The following FAM151B variants were observed in gnomAD, a reference collection of about 807,000 sequenced individuals.
The protein encoded by FAM151B is protein FAM151B.
A neutral mutation model predicts 31.2 loss-of-function variants in FAM151B; 24 were observed. The ratio of observed to expected loss-of-function variants is 0.77; its 90% CI spans 0.56 to 1.08. FAM151B has a LOEUF of 1.08. Ranked by LOEUF, FAM151B falls within the 50% of genes least tolerant of loss-of-function variation. FAM151B has a pLI of 0.00. For missense variants in FAM151B, 293 were observed against 328.6 expected (o/e 0.89, Z 0.84); for synonymous variants, 105 against 111.4 (o/e 0.94, Z 0.36).
chr5:80,531,002 G>C (rs567453328), intron 5 of FAM151B, among the ~76,000 whole-genome samples: 92 of 152,284 alleles, frequency 6.0e-4, no homozygotes, highest in Admixed American at 7.2e-4. Context: ...CAAGGCTGCA[G>C]TAACCAAAAC....
chr5:80,501,988 G>T, intron 2 of FAM151B, 71 bp downstream of exon 2: 1 of 1,294,718 alleles, frequency 7.7e-7, no homozygotes, highest in Non-Finnish European at 1.0e-6. Flanking sequence ...TGATATCTAG[G>T]TATATTTGCA....
chr5:80,500,246 G>A, intron 1 of FAM151B: 3 of 572,652 alleles, frequency 5.2e-6, no homozygotes, highest in Non-Finnish European at 9.3e-6. Flanking sequence ...TGGGGAGGGG[G>A]AAGCAAAGGA....
rs1289493242 is a variant in FAM151B, at chr5:80,538,503, CT to C, written c.672-3166del. ...CTTTCTTTCCTTCCTTCCTTCCTTT[CT>C]TTTCTTTCTTTCCTTCCTTCCTTCC... On this transcript the variant is annotated intron_variant, in intron 5 of 5. Transcript: ENST00000282226. Among the ~76,000 whole-genome samples, 697 of 106,478 alleles carry C rather than the reference CT, an allele frequency of 6.5e-3. 48 individuals carry two copies. The highest frequency in any genetic ancestry group is 0.026 in the African/African-American group (629 of 24,382). 69.9% of individuals were successfully genotyped at this position (106,478 alleles called of 152,430 possible).
intron 1 of FAM151B, among the ~76,000 whole-genome samples, chr5:80,501,559 C>T (rs1435777115): frequency 1.3e-5 from 2 of 149,928 alleles, no homozygotes; most frequent in Admixed American, 6.7e-5. Flanking sequence ...ATAAGGGATT[C>T]GTGTTAAATG....
intron 1 of FAM151B, among the ~76,000 whole-genome samples, chr5:80,490,883 G>T (rs1743308459): frequency 6.6e-6 from 1 of 152,182 alleles, no homozygotes; most frequent in Non-Finnish European, 1.5e-5. Flanking sequence ...TTGTGTACAA[G>T]TTTTTGTGTG....
At chr5:80,523,687 A>G (rs1744820308) in intron 5 of FAM151B, among the ~76,000 whole-genome samples, 1 of 152,206 alleles carries the variant, frequency 6.6e-6, no homozygotes, top group Non-Finnish European at 1.5e-5. Flanking sequence ...GATCTCTAAG[A>G]TATATTATTA....
chr5:80,524,608 G>C (rs1417681226), intron 5 of FAM151B, among the ~76,000 whole-genome samples: 1 of 152,038 alleles, frequency 6.6e-6, no homozygotes, highest in South Asian at 2.1e-4. Context: ...TACAGACTTA[G>C]AGGTTCTTAT....
At chr5:80,515,280 A>C (rs979768959) in intron 3 of FAM151B, among the ~76,000 whole-genome samples, 2 of 151,988 alleles carry the variant, frequency 1.3e-5, no homozygotes, top group African/African-American at 4.8e-5. Context: ...AAAATCATAA[A>C]CTTTTTGAGT....
intron 5 of FAM151B, among the ~76,000 whole-genome samples, chr5:80,540,670 T>C (rs908071943): frequency 6.6e-6 from 1 of 152,196 alleles, no homozygotes; most frequent in Admixed American, 6.5e-5. Context: ...GATAAAGTAA[T>C]AGAGATTCCA....
intron 1 of FAM151B, among the ~76,000 whole-genome samples, chr5:80,494,710 C>T (rs1246990618): frequency 5.3e-5 from 8 of 151,426 alleles, no homozygotes; most frequent in African/African-American, 1.7e-4. Flanking sequence ...GACGGGATTT[C>T]GTCATGTTGC....
chr5:80,524,994 C>T (rs910814033), intron 5 of FAM151B, among the ~76,000 whole-genome samples: 1 of 152,046 alleles, frequency 6.6e-6, no homozygotes, highest in Admixed American at 6.6e-5. Flanking sequence ...ACTGTTTCAT[C>T]ATAGAGAGCA....
chr5:80,489,483 C>G (rs189589607), intron 1 of FAM151B, among the ~76,000 whole-genome samples: 5 of 152,270 alleles, frequency 3.3e-5, no homozygotes, highest in Admixed American at 1.3e-4. Flanking sequence ...TGGGACAAAG[C>G]TCACACTCAA....
intron 1 of FAM151B, chr5:80,498,989 C>G: frequency 5.1e-6 from 1 of 195,990 alleles, no homozygotes; most frequent in Non-Finnish European, 1.1e-5. Flanking sequence ...ATTTTGGTGG[C>G]AGCTCCACCA....
intron 5 of FAM151B, among the ~76,000 whole-genome samples, chr5:80,523,778 G>A (rs1273963233): frequency 6.6e-6 from 1 of 152,150 alleles, no homozygotes; most frequent in African/African-American, 2.4e-5. Flanking sequence ...AAAAATATTT[G>A]TAGATGAATT....
intron 2 of FAM151B, among the ~76,000 whole-genome samples, chr5:80,508,100 A>G (rs1209146067): frequency 6.6e-6 from 1 of 152,156 alleles, no homozygotes; most frequent in Non-Finnish European, 1.5e-5. Flanking sequence ...TCTAGTGTGT[A>G]TCAGTTCTTT....
intron 2 of FAM151B, among the ~76,000 whole-genome samples, chr5:80,511,781 G>GT (rs756212477): frequency 1.3e-5 from 2 of 151,916 alleles, no homozygotes; most frequent in Non-Finnish European, 2.9e-5. Flanking sequence ...TAAATTTTGA[G>GT]TTTTTAGTGG....
At chr5:80,498,338 T>A (rs249000) in intron 1 of FAM151B, among the ~76,000 whole-genome samples, 117,365 of 151,962 alleles carry the variant, frequency 0.77, 48,744 homozygotes, top group East Asian at 0.92. Context: ...TTTTTTTAAA[T>A]TCTGCAGCCC....
chr5:80,501,782 G>A lies in FAM151B; in HGVS notation c.26-10G>A, dbSNP rs1315167591. The A allele has an allele frequency of 3.2e-6, 5 of 1,580,024 alleles. No homozygotes were observed. The Admixed American group carries it at 5.3e-5, about 17-fold the overall frequency. On this transcript the variant is annotated splice_polypyrimidine_tract_variant and intron_variant, in intron 1 of 5. Coordinates refer to ENST00000282226, the MANE Select transcript of FAM151B (RefSeq NM_205548.3). Reference sequence around the variant, plus strand: ...CAATATCACTTTTCATGTAAACACTGTTATTTTAGGATCTTGGAGTGAAAA... The same window carrying A: ...CAATATCACTTTTCATGTAAACACTATTATTTTAGGATCTTGGAGTGAAAA...
Position 80,519,707 on chromosome 5 carries a change from A to T in FAM151B, c.332A>T (p.Glu111Val). ...TATGTTTTTAGTCTGGCAGTTGTAGAACCATCCATGATGCTCTTGGAAAAT... is the reference window on the plus strand; with the variant it reads ...TATGTTTTTAGTCTGGCAGTTGTAGTACCATCCATGATGCTCTTGGAAAAT... Reference protein sequence around the residue: ...KLDFKSLAVVEPSMMLLENVK... With the variant: ...KLDFKSLAVVVPSMMLLENVK... Residue 111 changes from glutamate to valine, a missense_variant, in exon 4 of 6, where the codon GAA (glutamate) becomes GTA (valine). Physicochemically the swap from Glu to Val is moderately radical, Grantham distance 121 (BLOSUM62 -2). Coordinates refer to ENST00000282226, the MANE Select transcript of FAM151B (RefSeq NM_205548.3). 6.2e-7 allele frequency: 1 copy of T among 1,614,062 alleles called. No individual in the cohort carries two copies. Among genetic ancestry groups the T allele is most frequent in the South Asian group, 1.1e-5 (1 of 91,050 alleles).
Sources: allele counts gnomAD v4.1 joint callset (sites outside exome capture counted in the v4.1 genomes callset), GRCh38; gene constraint gnomAD v4.1.1; transcripts MANE v1.5; gene names NCBI Gene and HGNC (gene_info 2026-07-23, HGNC 2026-07-21).